DPH6: variants seen among roughly 807,000 people sequenced by gnomAD.
DPH6 encodes the protein diphthamine biosynthesis 6.
In DPH6, 33 loss-of-function variants were observed where a neutral mutation model predicts 38.2. That is an observed-to-expected ratio of 0.86 (90% CI 0.65 to 1.15). The LOEUF is 1.15. Ranked by LOEUF, DPH6 falls within the 50% of genes most tolerant of loss-of-function variation. The pLI is 0.00. For synonymous variants in DPH6, 108 were observed against 103.0 expected (o/e 1.05, Z -0.30); for missense variants, 325 against 320.0 (o/e 1.02, Z -0.12).
intron 5 of DPH6, among the ~76,000 whole-genome samples, chr15:35,435,225 C>G (rs2053682407): frequency 2.6e-5 from 4 of 152,188 alleles, no homozygotes. Context: ...TAGTCTAAAG[C>G]TGCCTCCTTA....
At chr15:35,209,317 A>G in the DPH6 span, among the ~76,000 whole-genome samples, 1 of 152,170 alleles carries the variant, frequency 6.6e-6, no homozygotes, top group African/African-American at 2.4e-5. Context: ...AGCTCACTCA[A>G]TTGTTTAACT....
At chr15:35,223,898 A>C (rs1033770911) in intron 3 of DPH6, among the ~76,000 whole-genome samples, 2 of 151,960 alleles carry the variant, frequency 1.3e-5, no homozygotes, top group African/African-American at 4.8e-5. Context: ...AACTGCCTTA[A>C]AAATCCCCCA....
chr15:35,429,350 C>T (rs1595555503), intron 5 of DPH6, among the ~76,000 whole-genome samples: 2 of 152,170 alleles, frequency 1.3e-5, no homozygotes, highest in East Asian at 3.9e-4. Context: ...ATATTTACCT[C>T]TATTTTGTTT....
chr15:35,527,588 A>C (rs569192144), intron 3 of DPH6, among the ~76,000 whole-genome samples: 1 of 152,154 alleles, frequency 6.6e-6, no homozygotes, highest in African/African-American at 2.4e-5. Flanking sequence ...AGGAAGGAAG[A>C]TATTATATTC....
chr15:35,160,007 G>A, the DPH6 span, among the ~76,000 whole-genome samples: 4 of 151,840 alleles, frequency 2.6e-5, no homozygotes, highest in South Asian at 4.1e-4. Flanking sequence ...GAGTATACAC[G>A]GACACAAAGA....
chr15:35,191,265 C>T, the DPH6 span, among the ~76,000 whole-genome samples: 3 of 152,186 alleles, frequency 2.0e-5, no homozygotes, highest in East Asian at 5.8e-4. Flanking sequence ...TCAACTAAGC[C>T]CTCCCTGAGA....
Position 35,311,294 on chromosome 15 carries a change from A to G in DPH6, n.200+62227T>C, listed in dbSNP as rs374365187. On this transcript the variant is annotated intron_variant and non_coding_transcript_variant, in intron 3 of 3. Coordinates refer to the DPH6 transcript ENST00000560386. Reference sequence around the variant, plus strand: ...TTACAAGTACTGAAAACAAAAATGCACCCCCTCAGATTTCAATCACATCTT... The same window carrying G: ...TTACAAGTACTGAAAACAAAAATGCGCCCCCTCAGATTTCAATCACATCTT... Among the ~76,000 whole-genome samples, 13 of 152,106 alleles carry G rather than the reference A, an allele frequency of 8.5e-5. No homozygotes were observed. The East Asian group carries it at 1.9e-3, about 23-fold the overall frequency.
the DPH6 span, among the ~76,000 whole-genome samples, chr15:35,210,763 C>A: frequency 1.3e-5 from 2 of 151,962 alleles, no homozygotes; most frequent in Admixed American, 6.6e-5. Context: ...GGAGAAAGAT[C>A]TTCCTTCAAG....
chr15:35,327,801 T>C (rs1187186876), downstream of DPH6, among the ~76,000 whole-genome samples: 1 of 152,148 alleles, frequency 6.6e-6, no homozygotes, highest in Non-Finnish European at 1.5e-5. Flanking sequence ...TTTAAGCCCA[T>C]GCTTTGTTAG....
At chr15:35,203,949 G>A in the DPH6 span, among the ~76,000 whole-genome samples, 3 of 151,586 alleles carry the variant, frequency 2.0e-5, no homozygotes. Context: ...CTTATATTAT[G>A]TTTTTAAAAA....
intron 3 of DPH6, among the ~76,000 whole-genome samples, chr15:35,276,888 T>C (rs1006293274): frequency 2.7e-4 from 41 of 152,250 alleles, no homozygotes; most frequent in African/African-American, 9.4e-4. Flanking sequence ...GTTCTTTTTG[T>C]TTAGTCTTGC....
intron 2 of DPH6, among the ~76,000 whole-genome samples, chr15:35,541,235 ACTTACAT>A (rs2055249015): frequency 6.6e-6 from 1 of 152,092 alleles, no homozygotes; most frequent in East Asian, 1.9e-4. Context: ...ATCCAGCATT[ACTTACAT>A]CTTAATCACA....
At chr15:35,338,917 C>T (rs1189760534) in intron 3 of DPH6, among the ~76,000 whole-genome samples, 1 of 151,958 alleles carries the variant, frequency 6.6e-6, no homozygotes, top group Non-Finnish European at 1.5e-5. Context: ...TCATTCTCAG[C>T]AAACTATCAC....
chr15:35,416,913 A>T (rs2053443395), intron 5 of DPH6, among the ~76,000 whole-genome samples: 1 of 152,090 alleles, frequency 6.6e-6, no homozygotes, highest in Admixed American at 6.6e-5. Context: ...CTTCTAAATC[A>T]TCTGAAACTA....
the DPH6 span, among the ~76,000 whole-genome samples, chr15:35,162,343 T>C: frequency 6.6e-6 from 1 of 151,932 alleles, no homozygotes; most frequent in Non-Finnish European, 1.5e-5. Context: ...CTAAGAGGGA[T>C]CTCAAATGTT....
chr15:35,231,941 A>T (rs2051521002), intron 3 of DPH6, among the ~76,000 whole-genome samples: 1 of 152,170 alleles, frequency 6.6e-6, no homozygotes, highest in Non-Finnish European at 1.5e-5. Flanking sequence ...TTCATGAGCG[A>T]TCTGCCCCCA....
intron 3 of DPH6, among the ~76,000 whole-genome samples, chr15:35,527,732 C>T (rs1022833252): frequency 1.3e-5 from 2 of 152,014 alleles, no homozygotes; most frequent in Non-Finnish European, 2.9e-5. Context: ...GAATGAGTTC[C>T]GACAATAGTC....
chr15:35,168,634 C>T, the DPH6 span, among the ~76,000 whole-genome samples: 1 of 152,008 alleles, frequency 6.6e-6, no homozygotes, highest in Non-Finnish European at 1.5e-5. Flanking sequence ...AGCACAGTTC[C>T]TCTTCCCCCG....
intron 5 of DPH6, among the ~76,000 whole-genome samples, chr15:35,444,537 T>C (rs2053826277): frequency 6.6e-6 from 1 of 152,200 alleles, no homozygotes; most frequent in Non-Finnish European, 1.5e-5. Flanking sequence ...GCAATTGGAA[T>C]ATTCAAGAGT....
Sources: gnomAD v4.1 joint callset for allele counts (sites outside exome capture counted in the v4.1 genomes callset) on GRCh38, gnomAD v4.1.1 for gene constraint, MANE v1.5 for transcripts, NCBI Gene and HGNC (gene_info 2026-07-23, HGNC 2026-07-21) for gene names.